The following KIAA1958 variants were observed in gnomAD, a reference collection of about 807,000 sequenced individuals.
KIAA1958 encodes uncharacterized protein KIAA1958.
Under a neutral mutation model 47.2 loss-of-function variants are expected in KIAA1958, and 14 were observed. The observed-to-expected ratio is 0.30, with a 90% CI of 0.20 to 0.46. The LOEUF (loss-of-function observed/expected upper bound fraction) is 0.46. Among genes scored for constraint, KIAA1958 ranks in the 20% least tolerant of loss-of-function variants. The pLI is 1.00. For missense variants in KIAA1958, 803 were observed against 909.2 expected, an observed-to-expected ratio of 0.88 and a Z score of 1.50; for synonymous variants, 354 against 353.3, an observed-to-expected ratio of 1.00 and a Z score of -0.02.
In KIAA1958 at chr9:112,618,970, A is replaced by G; in HGVS notation, c.1172-26680A>G. The G allele has an allele frequency of 1.4e-6, 2 of 1,469,996 alleles. No homozygotes were observed. Among genetic ancestry groups the G allele is most frequent in the East Asian group, 2.5e-5 (1 of 39,968 alleles). 91.1% of individuals were successfully genotyped at this position (1,469,996 alleles called of 1,614,324 possible). A position where few individuals can be genotyped will look rare whatever the true frequency, so the allele number is the denominator to read the frequency against. On this transcript the variant is annotated intron_variant, in intron 2 of 3. Coordinates refer to ENST00000337530, the MANE Select transcript of KIAA1958 (RefSeq NM_133465.4). The surrounding 1 kb of genome is among the most constrained non-coding windows in gnomAD (Gnocchi z 7.1). ...GGTTACTGTGTCCGGAGAAACTGTGATTATACACCGCTTCTCGTTCCCCTT... is the reference window on the plus strand; with the variant it reads ...GGTTACTGTGTCCGGAGAAACTGTGGTTATACACCGCTTCTCGTTCCCCTT...
intron 2 of KIAA1958, among the ~76,000 whole-genome samples, chr9:112,591,288 A>T (rs1835915050): frequency 6.6e-6 from 1 of 151,798 alleles, no homozygotes; most frequent in South Asian, 2.1e-4. Context: ...GTTTCACTGT[A>T]TTAGCCAGGA....
At chr9:112,500,321 G>A (rs1834113154) in intron 1 of KIAA1958, among the ~76,000 whole-genome samples, 1 of 152,034 alleles carries the variant, frequency 6.6e-6, no homozygotes, top group Non-Finnish European at 1.5e-5. Flanking sequence ...GGCTGGTCTC[G>A]AACTCCTGAC....
intron 2 of KIAA1958, among the ~76,000 whole-genome samples, chr9:112,579,160 A>G (rs1338739193): frequency 6.6e-6 from 1 of 152,112 alleles, no homozygotes; most frequent in Non-Finnish European, 1.5e-5. Context: ...TCTCACGTAT[A>G]TTGGAAATAC....
intron 1 of KIAA1958, among the ~76,000 whole-genome samples, chr9:112,556,888 A>G (rs547696510): frequency 8.5e-5 from 13 of 152,312 alleles, no homozygotes; most frequent in Admixed American, 2.6e-4. Context: ...TAGAAGGTTG[A>G]GCGTACAGGT....
rs369668442 is a variant in KIAA1958, at chr9:112,575,851, G to A, written c.1171+600G>A. Among the ~76,000 whole-genome samples the A allele has an allele frequency of 7.2e-5, 11 of 152,272 alleles. No individual in the cohort carries two copies. The East Asian group carries it at 9.6e-4, about 13-fold the overall frequency. On this transcript the variant is annotated intron_variant, in intron 2 of 3. Transcript: ENST00000337530. ...GTGAGCCAATGGGAATGGATTGAGAGGAGAATGAAATAATTGTACGAGGCC... is the reference window on the plus strand; with the variant it reads ...GTGAGCCAATGGGAATGGATTGAGAAGAGAATGAAATAATTGTACGAGGCC...
At chr9:112,592,107 G>A (rs1165162968) in intron 2 of KIAA1958, among the ~76,000 whole-genome samples, 1 of 152,202 alleles carries the variant, frequency 6.6e-6, no homozygotes, top group Non-Finnish European at 1.5e-5. Context: ...AGAGCAGGTA[G>A]CAGGTAACTG....
intron 2 of KIAA1958, among the ~76,000 whole-genome samples, chr9:112,580,994 C>T (rs1246101669): frequency 6.6e-6 from 1 of 152,176 alleles, no homozygotes; most frequent in Admixed American, 6.5e-5. Flanking sequence ...ATATGGCAGG[C>T]AGCTCTGGGC....
chr9:112,605,257 A>G (rs942385776), intron 2 of KIAA1958, among the ~76,000 whole-genome samples: 3 of 152,028 alleles, frequency 2.0e-5, no homozygotes, highest in Non-Finnish European at 4.4e-5. Flanking sequence ...TAATATTTAG[A>G]TAAGATTAGC....
chr9:112,498,178 G>A (rs182317772), intron 1 of KIAA1958, among the ~76,000 whole-genome samples: 1 of 152,246 alleles, frequency 6.6e-6, no homozygotes, highest in African/African-American at 2.4e-5. Flanking sequence ...AAAACAAGGA[G>A]TTCTACATTA....
chr9:112,659,958 A>T lies in KIAA1958; in HGVS notation c.2040A>T (p.Gly680=). The T allele has an allele frequency of 6.2e-7, 1 of 1,614,188 alleles. No homozygotes were observed. The highest frequency in any genetic ancestry group is 8.5e-7 in the Non-Finnish European group (1 of 1,180,032). The change falls in exon 4 of 4, where the codon GGA becomes GGT. Residue 680 remains glycine (G), a synonymous_variant. Transcript: ENST00000337530. The part of the protein sequence containing the change: ...EQRMGLRSLR[G]IVPNLAKKVK... ...GGATGGGGCTGCGCTCTCTTCGGGGAATTGTCCCAAACTTAGCCAAGAAGG... is the reference window on the plus strand; with the variant it reads ...GGATGGGGCTGCGCTCTCTTCGGGGTATTGTCCCAAACTTAGCCAAGAAGG...
At chr9:112,598,750 A>G (rs2131197759) in intron 2 of KIAA1958, among the ~76,000 whole-genome samples, 1 of 152,294 alleles carries the variant, frequency 6.6e-6, no homozygotes, top group East Asian at 1.9e-4. Flanking sequence ...TTAAGACAGA[A>G]TGGACTAGAC....
At position 112,660,138 on chromosome 9, in the gene KIAA1958, T is replaced by C. The variant is rs1837251394; in HGVS notation, c.*69T>C. On this transcript the variant is annotated 3_prime_UTR_variant, in exon 4 of 4. Coordinates refer to ENST00000337530, the MANE Select transcript of KIAA1958 (RefSeq NM_133465.4). ...CAGCCAGGGTTGGAGCAGCTGGAGC[T>C]CCTTGGAGGCAGGGGCTGACCAGGT... 1 of 1,426,410 alleles carries C rather than the reference T, an allele frequency of 7.0e-7. No individual in the cohort carries two copies. Among genetic ancestry groups the C allele is most frequent in the Non-Finnish European group, 9.7e-7 (1 of 1,035,188 alleles). 88.4% of individuals were successfully genotyped at this position (1,426,410 alleles called of 1,614,324 possible). A position where few individuals can be genotyped will look rare whatever the true frequency, so the allele number is the denominator to read the frequency against.
chr9:112,601,923 AGAGCTCCT>A (rs1389281715), intron 2 of KIAA1958, among the ~76,000 whole-genome samples: 1 of 152,236 alleles, frequency 6.6e-6, no homozygotes, highest in Non-Finnish European at 1.5e-5. Flanking sequence ...TCCAAATTTT[AGAGCTCCT>A]GAACATGTAT....
At chr9:112,513,409 G>A (rs537727065) in intron 1 of KIAA1958, among the ~76,000 whole-genome samples, 1 of 148,760 alleles carries the variant, frequency 6.7e-6, no homozygotes, top group African/African-American at 2.5e-5. Flanking sequence ...GGGAGAGCGA[G>A]CCAAGATGCT....
intron 1 of KIAA1958, among the ~76,000 whole-genome samples, chr9:112,573,018 A>C (rs1835566028): frequency 6.6e-6 from 1 of 151,934 alleles, no homozygotes; most frequent in Non-Finnish European, 1.5e-5. Context: ...ATCACACATA[A>C]AGATTCCTGT....
intron 2 of KIAA1958, among the ~76,000 whole-genome samples, chr9:112,631,159 A>G (rs1588047203): frequency 6.6e-6 from 1 of 151,588 alleles, no homozygotes; most frequent in African/African-American, 2.4e-5. Flanking sequence ...GTGATATATC[A>G]TCTCAAAAGA....
At chr9:112,651,076 T>C (rs1837048332) in intron 3 of KIAA1958, among the ~76,000 whole-genome samples, 1 of 152,128 alleles carries the variant, frequency 6.6e-6, no homozygotes, top group Non-Finnish European at 1.5e-5. Context: ...AAATCCACAA[T>C]TGGAGATTTC....
At chr9:112,539,858 T>C (rs1446238653) in intron 1 of KIAA1958, among the ~76,000 whole-genome samples, 1 of 458 alleles carries the variant, frequency 2.2e-3, no homozygotes, top group East Asian at 9.1e-3. Context: ...GCCTGGCTAA[T>C]TTTTTCTATT....
At position 112,488,137 on chromosome 9, in the gene KIAA1958, C is replaced by T. The variant is rs529907510; in HGVS notation, c.-25+1019C>T. Among the ~76,000 whole-genome samples the T allele has an allele frequency of 3.3e-5, 5 of 152,204 alleles. No individual in the cohort carries two copies. The East Asian group carries it at 9.7e-4, about 29-fold the overall frequency. ...GCAATAAACAATGATCTAGCTTTCC[C>T]TTCAGGCTGAAGCCTTTATTTCTGC... On this transcript the variant is annotated intron_variant, in intron 1 of 3. Coordinates refer to ENST00000337530, the MANE Select transcript of KIAA1958 (RefSeq NM_133465.4).
Sources: gnomAD v4.1 joint callset for allele counts (sites outside exome capture counted in the v4.1 genomes callset) on GRCh38, gnomAD v4.1.1 for gene constraint, Gnocchi (gnomAD v3.1) non-coding constraint, MANE v1.5 for transcripts, NCBI Gene and HGNC (gene_info 2026-07-23, HGNC 2026-07-21) for gene names.